The following FMN2 variants were observed in gnomAD, a reference collection of about 807,000 sequenced individuals.
FMN2 encodes the protein formin 2.
Under a neutral mutation model 142.3 loss-of-function variants are expected in FMN2, and 51 were observed. The observed-to-expected ratio is 0.36, with a 90% CI of 0.29 to 0.45. FMN2 has a LOEUF of 0.45. Ranked by LOEUF, FMN2 falls within the 20% of genes least tolerant of loss-of-function variation. FMN2 has a pLI of 1.00. For synonymous variants in FMN2, 882 were observed against 869.8 expected, an observed-to-expected ratio of 1.01 and a Z score of -0.25; for missense variants, 1,936 against 2,122.8, an observed-to-expected ratio of 0.91 and a Z score of 1.73.
intron 8 of FMN2, among the ~76,000 whole-genome samples, chr1:240,327,009 TATG>T (rs1671193118): frequency 6.6e-6 from 1 of 152,172 alleles, no homozygotes; most frequent in African/African-American, 2.4e-5. Context: ...TACATGGTCT[TATG>T]ATATTATTTA....
At chr1:240,329,015 T>C in intron 8 of FMN2, 61 bp from the exon 9 acceptor site, 1 of 1,359,116 alleles carries the variant, frequency 7.4e-7, no homozygotes, top group Admixed American at 1.9e-5. Flanking sequence ...ATAATTAGAT[T>C]ATTATCTAAG....
At chr1:240,396,222 A>T (rs1673765650) in intron 15 of FMN2, among the ~76,000 whole-genome samples, 1 of 152,190 alleles carries the variant, frequency 6.6e-6, no homozygotes, top group African/African-American at 2.4e-5. Flanking sequence ...GGAAACCAGA[A>T]AATTCGTGTA....
chr1:240,137,764 T>C (rs1021495260), intron 2 of FMN2, among the ~76,000 whole-genome samples: 2 of 151,756 alleles, frequency 1.3e-5, no homozygotes, highest in South Asian at 4.2e-4. Flanking sequence ...TGGAGCCCAG[T>C]GTACAGGAGG....
At chr1:240,423,750 G>A (rs1382670103) in intron 15 of FMN2, among the ~76,000 whole-genome samples, 1 of 152,222 alleles carries the variant, frequency 6.6e-6, no homozygotes, top group Non-Finnish European at 1.5e-5. Flanking sequence ...AATCATAGAT[G>A]TGTGCATAAG....
At chr1:240,294,957 T>A (rs1408082741) in intron 8 of FMN2, 74 bp downstream of exon 8, 17 of 1,361,492 alleles carry the variant, frequency 1.2e-5, no homozygotes, top group African/African-American at 1.5e-5. Context: ...ACATATAGGC[T>A]CTTTGTTTTA....
intron 13 of FMN2, among the ~76,000 whole-genome samples, chr1:240,346,787 T>G (rs1023023746): frequency 2.0e-5 from 3 of 152,044 alleles, no homozygotes; most frequent in African/African-American, 7.2e-5. Flanking sequence ...AATATGTGAC[T>G]GCTCAGCCTT....
chr1:240,222,552 G>T (rs576011422), intron 6 of FMN2, among the ~76,000 whole-genome samples: 1 of 151,856 alleles, frequency 6.6e-6, no homozygotes, highest in Non-Finnish European at 1.5e-5. Context: ...GCTTGATGGG[G>T]GTAGCATTGA....
intron 16 of FMN2, among the ~76,000 whole-genome samples, chr1:240,446,172 C>A (rs895675235): frequency 6.6e-6 from 1 of 152,148 alleles, no homozygotes; most frequent in African/African-American, 2.4e-5. Flanking sequence ...ATGGAAAGCC[C>A]TAACGTGAAG....
Position 240,272,232 on chromosome 1 carries a change from C to T in FMN2, c.4153+14200C>T, listed in dbSNP as rs569233127. Among the ~76,000 whole-genome samples the T allele has an allele frequency of 7.8e-4, 118 of 152,152 alleles. 1 individual carries two copies. Among genetic ancestry groups the T allele is most frequent in the Non-Finnish European group, 7.2e-4 (49 of 68,006 alleles). ...GTTCTTTAAGATCAGTGGGTGACTG[C>T]GAATGGAATTGTCCAGGACCACATG... On this transcript the variant is annotated intron_variant, in intron 7 of 17. Transcript: ENST00000319653.
chr1:240,422,438 G>A (rs943807290), intron 15 of FMN2, among the ~76,000 whole-genome samples: 1 of 152,094 alleles, frequency 6.6e-6, no homozygotes, highest in African/African-American at 2.4e-5. Context: ...TCTGAGTTTT[G>A]TGGTTTTCCT....
chr1:240,398,642 G>A (rs1441643418), intron 15 of FMN2, among the ~76,000 whole-genome samples: 5 of 152,162 alleles, frequency 3.3e-5, no homozygotes, highest in African/African-American at 7.2e-5. Context: ...GCAGTCCTAT[G>A]TAACCGGGGC....
At chr1:240,410,330 C>A (rs1034978744) in intron 15 of FMN2, among the ~76,000 whole-genome samples, 1 of 152,140 alleles carries the variant, frequency 6.6e-6, no homozygotes, top group African/African-American at 2.4e-5. Context: ...GTTTGAAATT[C>A]CTCTCTGAGT....
chr1:240,355,907 A>C lies in FMN2; in HGVS notation c.4857A>C (p.Gln1619His). The stretch of plus-strand genomic sequence containing the variant: ...AAAACATGGAACAATTTATTATTCA[A>C]GGTAAATTCCAAAGAGATGTGTTAT... Reference protein sequence around the residue: ...FKENMEQFIIQAKIDQEAEEN... With the variant: ...FKENMEQFIIHAKIDQEAEEN... Residue 1619 changes from glutamine (Q) to histidine (H), a missense_variant and splice_region_variant, in exon 14 of 18, where the codon CAA (glutamine) becomes CAC (histidine). Around this residue, in one of 8 missense-constraint regions of FMN2, gnomAD observed 322 missense variants for 401.6 expected, o/e 0.80. Coordinates refer to ENST00000319653, the MANE Select transcript of FMN2 (RefSeq NM_020066.5). The C allele has an allele frequency of 6.9e-7, 1 of 1,452,650 alleles. No individual in the cohort carries two copies. Among genetic ancestry groups the C allele is most frequent in the Non-Finnish European group, 9.4e-7 (1 of 1,067,066 alleles). The allele number at this position is 1,452,650 out of a possible 1,614,324, so 90.0% of individuals were successfully genotyped here.
At chr1:240,239,556 G>T (rs145763688) in intron 6 of FMN2, among the ~76,000 whole-genome samples, 78 of 152,320 alleles carry the variant, frequency 5.1e-4, no homozygotes, top group African/African-American at 1.8e-3. Context: ...TAGGAATAAA[G>T]ATTGTAGACT....
chr1:240,455,835 C>G (rs558873150), intron 16 of FMN2, among the ~76,000 whole-genome samples: 1 of 151,952 alleles, frequency 6.6e-6, no homozygotes, highest in East Asian at 1.9e-4. Flanking sequence ...ATTAGCCAGG[C>G]GTGGTGACAG....
At chr1:240,455,300 G>A (rs1295794269) in intron 16 of FMN2, among the ~76,000 whole-genome samples, 2 of 152,096 alleles carry the variant, frequency 1.3e-5, no homozygotes, top group African/African-American at 4.8e-5. Flanking sequence ...GTTACTTCAG[G>A]CTAGGAGTTC....
At chr1:240,348,168 A>G (rs574342765) in intron 13 of FMN2, among the ~76,000 whole-genome samples, 21 of 151,726 alleles carry the variant, frequency 1.4e-4, no homozygotes, top group African/African-American at 4.8e-4. Flanking sequence ...CTCATCAACA[A>G]TGTATAAGCA....
chr1:240,451,358 CAA>C (rs34283125), intron 16 of FMN2, among the ~76,000 whole-genome samples: 1 of 137,336 alleles, frequency 7.3e-6, no homozygotes, highest in Non-Finnish European at 1.6e-5. Context: ...GACTCCATCT[CAA>C]AAAAAAAAAA....
chr1:240,224,791 A>G (rs897276939), intron 6 of FMN2, among the ~76,000 whole-genome samples: 2 of 152,268 alleles, frequency 1.3e-5, no homozygotes, highest in South Asian at 4.1e-4. Flanking sequence ...TCAGTCTCAA[A>G]TCCATCTCCC....
Sources: allele counts gnomAD v4.1 joint callset (sites outside exome capture counted in the v4.1 genomes callset), GRCh38; gene constraint gnomAD v4.1.1; regional missense constraint gnomAD v4.1.1; transcripts MANE v1.5; gene names NCBI Gene and HGNC (gene_info 2026-07-23, HGNC 2026-07-21).